RMDN2: variants seen among roughly 807,000 people sequenced by gnomAD.
RMDN2 encodes the protein regulator of microtubule dynamics 2.
In RMDN2, 61 loss-of-function variants were observed where a neutral mutation model predicts 52.8. The ratio of observed to expected loss-of-function variants is 1.16; its 90% CI spans 0.94 to 1.43. The LOEUF (loss-of-function observed/expected upper bound fraction) is 1.43. Among genes scored for constraint, RMDN2 ranks in the 40% most tolerant of loss-of-function variants. The pLI, the probability that RMDN2 is intolerant of heterozygous loss-of-function variation, is 0.00. For missense variants in RMDN2, 592 were observed against 475.3 expected, an observed-to-expected ratio of 1.25 and a Z score of -2.28; for synonymous variants, 180 against 153.1, an observed-to-expected ratio of 1.18 and a Z score of -1.30.
downstream of RMDN2, among the ~76,000 whole-genome samples, chr2:38,021,277 A>C (rs1288847650): frequency 6.6e-6 from 1 of 152,158 alleles, no homozygotes. Flanking sequence ...CTCTCTGTAA[A>C]ACAGACCAAT....
chr2:37,959,347 T>G (rs1669890929), intron 2 of RMDN2, among the ~76,000 whole-genome samples: 1 of 151,040 alleles, frequency 6.6e-6, no homozygotes, highest in South Asian at 2.1e-4. Flanking sequence ...ATTGGTCTAT[T>G]CAGGGATTTG....
intron 10 of RMDN2, among the ~76,000 whole-genome samples, chr2:38,013,019 A>G (rs373312208): frequency 6.6e-6 from 1 of 152,248 alleles, no homozygotes; most frequent in Non-Finnish European, 1.5e-5. Flanking sequence ...TCTAGAGCCC[A>G]GATTCAAAGG....
intron 2 of RMDN2, chr2:37,951,921 CAA>C: frequency 6.2e-7 from 1 of 1,613,348 alleles, no homozygotes; most frequent in Admixed American, 1.7e-5. Flanking sequence ...CAATGATATT[CAA>C]CAAAGGGGCC....
chr2:38,063,121 G>T (rs1682124891), intron 10 of RMDN2, among the ~76,000 whole-genome samples: 1 of 152,056 alleles, frequency 6.6e-6, no homozygotes. Flanking sequence ...ATAATCCTTT[G>T]GGTATATACC....
chr2:38,021,213 A>C (rs752021615), downstream of RMDN2, among the ~76,000 whole-genome samples: 1 of 152,150 alleles, frequency 6.6e-6, no homozygotes, highest in Non-Finnish European at 1.5e-5. Flanking sequence ...TTTTGTGTCT[A>C]GCTCAGGGAT....
At chr2:38,020,979 G>C (rs1238762276), downstream of RMDN2, among the ~76,000 whole-genome samples, 1 of 152,226 alleles carries the variant, frequency 6.6e-6, no homozygotes, top group African/African-American at 2.4e-5. Context: ...TCCTGAGTCT[G>C]GTGGGGACTT....
At chr2:38,054,413 A>C (rs1190342915) in intron 10 of RMDN2, among the ~76,000 whole-genome samples, 2 of 152,230 alleles carry the variant, frequency 1.3e-5, no homozygotes, top group Non-Finnish European at 2.9e-5. Context: ...TCTACATTCA[A>C]ACTGATCTGC....
intron 2 of RMDN2, among the ~76,000 whole-genome samples, chr2:37,933,480 C>G (rs1414225739): frequency 6.6e-6 from 1 of 152,266 alleles, no homozygotes; most frequent in Non-Finnish European, 1.5e-5. Context: ...AGCCTGGGCA[C>G]CATTGAGCAC....
At chr2:37,977,782 T>A (rs1672722176) in intron 4 of RMDN2, among the ~76,000 whole-genome samples, 1 of 149,822 alleles carries the variant, frequency 6.7e-6, no homozygotes, top group Admixed American at 6.6e-5. Flanking sequence ...GCAGAGACGC[T>A]CCTCACTTCC....
chr2:37,993,847 T>G (rs1381800472), intron 7 of RMDN2, among the ~76,000 whole-genome samples: 2 of 152,084 alleles, frequency 1.3e-5, no homozygotes, highest in East Asian at 3.8e-4. Flanking sequence ...CCTTAACAAT[T>G]GGGAAGATAG....
upstream of RMDN2, among the ~76,000 whole-genome samples, chr2:37,922,952 A>T (rs901366368): frequency 6.6e-6 from 1 of 152,240 alleles, no homozygotes; most frequent in East Asian, 1.9e-4. Flanking sequence ...GAAAAGCTGG[A>T]AAAGTAGGTT....
At chr2:37,982,608 G>A (rs1274377899) in intron 5 of RMDN2, among the ~76,000 whole-genome samples, 1 of 152,142 alleles carries the variant, frequency 6.6e-6, no homozygotes, top group Non-Finnish European at 1.5e-5. Context: ...TAATTTCTTA[G>A]TGTGTCGCGG....
chr2:38,025,743 T>G (rs977088946), intron 10 of RMDN2, among the ~76,000 whole-genome samples: 1 of 152,138 alleles, frequency 6.6e-6, no homozygotes, highest in Non-Finnish European at 1.5e-5. Context: ...TGTTTTAGTT[T>G]ATATGATGAA....
In RMDN2 at chr2:37,940,615, C is replaced by T. The variant is rs145259577; in HGVS notation, c.452+10886C>T. On this transcript the variant is annotated intron_variant, in intron 2 of 10. Transcript: ENST00000354545. ...CTTTTTTTCTCTAATCTTGTCTTCA[C>T]GCTTTATTTCGTTAAGTTGATCTTC... Among the ~76,000 whole-genome samples, 195 of 152,160 alleles carry T rather than the reference C, an allele frequency of 1.3e-3. 1 individual carries two copies. Among genetic ancestry groups the T allele is most frequent in the African/African-American group, 4.5e-3 (188 of 41,514 alleles).
intron 10 of RMDN2, among the ~76,000 whole-genome samples, chr2:38,041,027 A>G (rs1448280275): frequency 6.6e-6 from 1 of 152,222 alleles, no homozygotes; most frequent in Non-Finnish European, 1.5e-5. Context: ...TATTACAAGT[A>G]TATAGGAAAG....
Position 37,929,380 on chromosome 2 carries a change from A to T in RMDN2, c.103A>T (p.Ile35Leu). ...GTACCACAAGGTCCGTAAACCAGGG[A>T]TAGCAATGAAGTTACCTGAATTTCT... Reference protein sequence around the residue: ...LWYHKVRKPGIAMKLPEFLSL... With the variant: ...LWYHKVRKPGLAMKLPEFLSL... The change falls in exon 2 of 11, where the codon ATA becomes TTA. Residue 35 changes from isoleucine to leucine, a missense_variant. Ile to Leu is a conservative substitution (Grantham distance 5). Coordinates refer to ENST00000354545, the MANE Select transcript of RMDN2 (RefSeq NM_001170791.3). 6.4e-7 allele frequency: 1 copy of T among 1,551,648 alleles called. No homozygotes were observed.
chr2:38,061,501 C>T (rs1468212911), intron 10 of RMDN2, among the ~76,000 whole-genome samples: 1 of 151,770 alleles, frequency 6.6e-6, no homozygotes, highest in Non-Finnish European at 1.5e-5. Context: ...TATCTGGTAA[C>T]TCAGTGCCTG....
intron 10 of RMDN2, among the ~76,000 whole-genome samples, chr2:38,061,424 T>C (rs1382697615): frequency 6.6e-6 from 1 of 152,240 alleles, no homozygotes; most frequent in African/African-American, 2.4e-5. Context: ...CAGACTGCCC[T>C]GATTTTGTGA....
chr2:37,992,144 C>G (rs185528714), intron 7 of RMDN2, among the ~76,000 whole-genome samples: 17 of 147,132 alleles, frequency 1.2e-4, no homozygotes, highest in African/African-American at 3.8e-4. Flanking sequence ...TATTATTATA[C>G]CAGTTTTAAA....
Sources: gnomAD v4.1 joint callset for allele counts (sites outside exome capture counted in the v4.1 genomes callset) on GRCh38, gnomAD v4.1.1 for gene constraint, MANE v1.5 for transcripts, NCBI Gene and HGNC (gene_info 2026-07-23, HGNC 2026-07-21) for gene names.